SOX5: variants seen among roughly 807,000 people sequenced by gnomAD.
SOX5 encodes the protein SRY-box transcription factor 5.
In SOX5, 9 loss-of-function variants were observed where a neutral mutation model predicts 92.0. The observed-to-expected ratio is 0.10, with a 90% CI of 0.06 to 0.17. The LOEUF is 0.17. SOX5 is among the 10% of genes least tolerant of loss of function. The pLI is 1.00. For missense variants in SOX5, 642 were observed against 944.5 expected, an observed-to-expected ratio of 0.68 and a Z score of 4.20; for synonymous variants, 344 against 336.3, an observed-to-expected ratio of 1.02 and a Z score of -0.25.
intron 2 of SOX5, among the ~76,000 whole-genome samples, chr12:23,856,992 A>C (rs1462580809): frequency 6.6e-6 from 1 of 152,178 alleles, no homozygotes; most frequent in Non-Finnish European, 1.5e-5. Context: ...TGAGTTAATT[A>C]TTAATTTATT....
intron 1 of SOX5, among the ~76,000 whole-genome samples, chr12:24,556,051 A>T (rs12311920): frequency 0.19 from 28,615 of 152,060 alleles, 2,920 homozygotes; most frequent in African/African-American, 0.26. Flanking sequence ...GCCTAGCCAA[A>T]CCTTTCATAG....
At chr12:23,593,999 C>T (rs1951964519) in intron 9 of SOX5, among the ~76,000 whole-genome samples, 1 of 152,112 alleles carries the variant, frequency 6.6e-6, no homozygotes, top group Non-Finnish European at 1.5e-5. Context: ...AGCTCCAAAA[C>T]TCTTATGAGC....
intron 3 of SOX5, among the ~76,000 whole-genome samples, chr12:23,796,880 A>AAT (rs1187106925): frequency 7.3e-6 from 1 of 137,830 alleles, no homozygotes; most frequent in Non-Finnish European, 1.5e-5. Flanking sequence ...TTTATATATA[A>AAT]ATATATATAA....
At chr12:23,649,095 A>C (rs1475611185) in intron 7 of SOX5, among the ~76,000 whole-genome samples, 3 of 152,146 alleles carry the variant, frequency 2.0e-5, no homozygotes, top group African/African-American at 7.2e-5. Context: ...GGTTACAACA[A>C]AGTGAATACA....
At position 24,212,198 on chromosome 12, in the gene SOX5, C is replaced by T. The variant is rs137925433; in HGVS notation, c.-2+1145G>A. ...AGTCGAAATTTATCTTCCCTTTAAG[C>T]GGGTAAGGAGTGTTCTCTCAAGGTA... is the stretch of plus-strand genomic sequence containing the variant. On this transcript the variant is annotated intron_variant, in intron 4 of 4. Transcript: ENST00000446891. Among the ~76,000 whole-genome samples the T allele has an allele frequency of 5.1e-3, 769 of 152,210 alleles. 4 individuals are homozygous for T. The highest frequency in any genetic ancestry group is 0.018 in the African/African-American group (727 of 41,510).
intron 4 of SOX5, among the ~76,000 whole-genome samples, chr12:24,127,406 GATAATAATA>G (rs35206737): frequency 1.3e-4 from 19 of 147,176 alleles, no homozygotes; most frequent in African/African-American, 4.7e-4. Context: ...TAATAATAAT[GATAATAATA>G]ATAATAATAA....
chr12:23,703,500 G>GA (rs1300147643), intron 6 of SOX5, among the ~76,000 whole-genome samples: 2 of 151,564 alleles, frequency 1.3e-5, no homozygotes, highest in Admixed American at 6.6e-5. Context: ...TTTTTTAAAG[G>GA]AAAAAAATCA....
intron 6 of SOX5, among the ~76,000 whole-genome samples, chr12:23,694,099 GATT>G (rs1197800223): frequency 1.3e-5 from 2 of 152,108 alleles, no homozygotes; most frequent in African/African-American, 4.8e-5. Flanking sequence ...TTGCTCCCAT[GATT>G]ATGTTTGAGA....
At chr12:23,910,522 C>A (rs925964358) in intron 1 of SOX5, among the ~76,000 whole-genome samples, 1 of 152,126 alleles carries the variant, frequency 6.6e-6, no homozygotes, top group Admixed American at 6.6e-5. Flanking sequence ...GCCTAATCCC[C>A]CAAAGATAGC....
chr12:24,305,582 A>C (rs1043354909), intron 2 of SOX5, among the ~76,000 whole-genome samples: 1 of 152,158 alleles, frequency 6.6e-6, no homozygotes, highest in African/African-American at 2.4e-5. Context: ...GCAGTGAAAA[A>C]TATTTTATTT....
At chr12:24,513,474 AAGG>A (rs1301349673) in intron 1 of SOX5, among the ~76,000 whole-genome samples, 17 of 152,190 alleles carry the variant, frequency 1.1e-4, no homozygotes, top group Non-Finnish European at 1.8e-4. Flanking sequence ...CTTCTAATTA[AAGG>A]AGAAGTACAC....
chr12:24,315,507 T>C lies in SOX5; in HGVS notation c.-173-38195A>G, dbSNP rs576419056. Among the ~76,000 whole-genome samples, 62 of 152,312 alleles carry C rather than the reference T, an allele frequency of 4.1e-4. 1 individual carries two copies. The South Asian group carries it at 0.01, about 25-fold the overall frequency. On this transcript the variant is annotated intron_variant, in intron 2 of 4. Coordinates refer to the SOX5 transcript ENST00000446891. ...TATTTGTAAGGTTTTTTGTGCATCA[T>C]AATTTATATTATTATGTAAAAAATA...
chr12:24,242,396 T>TC (rs1345499270), intron 3 of SOX5, among the ~76,000 whole-genome samples: 2 of 152,302 alleles, frequency 1.3e-5, no homozygotes, highest in East Asian at 1.9e-4. Context: ...TCTGTTCATT[T>TC]CCCCACTAAA....
intron 1 of SOX5, among the ~76,000 whole-genome samples, chr12:24,465,315 A>C (rs1306233424): frequency 4.6e-5 from 7 of 152,234 alleles, no homozygotes; most frequent in Non-Finnish European, 1.0e-4. Context: ...AATAGCGAAC[A>C]TTTACTGAGC....
At chr12:24,130,047 G>A (rs1398633766) in intron 4 of SOX5, among the ~76,000 whole-genome samples, 3 of 152,060 alleles carry the variant, frequency 2.0e-5, no homozygotes, top group African/African-American at 7.2e-5. Flanking sequence ...TATCTGGAAA[G>A]ATACTTAGGA....
chr12:24,337,210 C>A (rs1186697816), intron 2 of SOX5, among the ~76,000 whole-genome samples: 1 of 152,154 alleles, frequency 6.6e-6, no homozygotes, highest in Non-Finnish European at 1.5e-5. Context: ...TGGCTTTCAA[C>A]ATCTGAGTAA....
chr12:24,056,768 G>A (rs536737765), intron 4 of SOX5, among the ~76,000 whole-genome samples: 1 of 151,284 alleles, frequency 6.6e-6, no homozygotes, highest in South Asian at 2.1e-4. Flanking sequence ...GAGGTCAGGA[G>A]ATCGAGACCA....
chr12:23,853,742 C>G (rs901675426), intron 2 of SOX5, among the ~76,000 whole-genome samples: 1 of 152,058 alleles, frequency 6.6e-6, no homozygotes, highest in South Asian at 2.1e-4. Flanking sequence ...CCCGTAAAAA[C>G]AAAGAACATT....
chr12:24,454,751 C>A (rs541471075), intron 1 of SOX5, among the ~76,000 whole-genome samples: 1 of 151,986 alleles, frequency 6.6e-6, no homozygotes, highest in Non-Finnish European at 1.5e-5. Flanking sequence ...GGTATTACAA[C>A]TAAATTTTTA....
Sources: allele counts gnomAD v4.1 joint callset (sites outside exome capture counted in the v4.1 genomes callset), GRCh38; gene constraint gnomAD v4.1.1; transcripts MANE v1.5; gene names NCBI Gene and HGNC (gene_info 2026-07-23, HGNC 2026-07-21).